Variants in GREB1L observed in about 807,000 individuals in gnomAD.
GREB1L encodes the protein GREB1 like retinoic acid receptor coactivator.
Under a neutral mutation model 200.8 loss-of-function variants are expected in GREB1L, and 17 were observed. The ratio of observed to expected loss-of-function variants is 0.08; its 90% confidence interval spans 0.06 to 0.13. The LOEUF (loss-of-function observed/expected upper bound fraction) is 0.13. GREB1L is among the 10% of genes least tolerant of loss of function. GREB1L has a pLI of 1.00. For synonymous variants in GREB1L, 789 were observed against 893.0 expected, an observed-to-expected ratio of 0.88 and a Z score of 2.08; for missense variants, 1,657 against 2,367.7, an observed-to-expected ratio of 0.70 and a Z score of 6.23.
At chr18:21,272,699 A>G (rs1410040703) in intron 1 of GREB1L, among the ~76,000 whole-genome samples, 1 of 152,212 alleles carries the variant, frequency 6.6e-6, no homozygotes, top group South Asian at 2.1e-4. Flanking sequence ...AGCTGTAATA[A>G]CTGGTTGGCA....
In GREB1L at chr18:21,268,560, C is replaced by CATAT. The variant is rs370094258; in HGVS notation, c.-120+26197_-120+26200dup. 1.0e-2 allele frequency among the ~76,000 whole-genome samples: 633 copies of CATAT among 63,452 alleles called. 17 individuals are homozygous for CATAT. Among genetic ancestry groups the CATAT allele is most frequent in the Non-Finnish European group, 0.013 (470 of 36,938 alleles). 41.6% of individuals were successfully genotyped at this position (63,452 alleles called of 152,430 possible). A position where few individuals can be genotyped will look rare whatever the true frequency, so the allele number is the denominator to read the frequency against. On this transcript the variant is annotated intron_variant, in intron 1 of 32. Transcript: ENST00000424526. The stretch of plus-strand genomic sequence containing the variant: ...ACACACACACACACACACACACACA[C>CATAT]ATATATATATATATATATATATATA...
rs1166538794 is a variant in GREB1L at position 21,524,119 on chromosome 18, A to G, written c.*1298A>G. On this transcript the variant is annotated 3_prime_UTR_variant, in exon 33 of 33. Coordinates refer to ENST00000424526, the MANE Select transcript of GREB1L (RefSeq NM_001142966.3). ...CTCTTGAGAGTTTTCTCATTAGCCC[A>G]TATTTACTACTTTATCCCCACTTAA... 1 of 152,208 alleles carries G rather than the reference A, an allele frequency of 6.6e-6. No individual in the cohort carries two copies. Among genetic ancestry groups the G allele is most frequent in the Non-Finnish European group, 1.5e-5 (1 of 68,034 alleles). The allele number at this position is 152,208 out of a possible 1,614,324, so 9.4% of individuals were successfully genotyped here. A position where few individuals can be genotyped will look rare whatever the true frequency, so the allele number is the denominator to read the frequency against.
At chr18:21,518,761 C>G (rs2037511975) in intron 31 of GREB1L, among the ~76,000 whole-genome samples, 2 of 152,176 alleles carry the variant, frequency 1.3e-5, no homozygotes, top group Admixed American at 1.3e-4. Context: ...CCACTTCCCA[C>G]CCCTTGGACT....
chr18:21,523,342 AAGAAGT>A lies in GREB1L; in HGVS notation c.*524_*529del, dbSNP rs2037634934. 6.6e-6 allele frequency: 1 copy of A among 152,366 alleles called. No individual in the cohort carries two copies. Among genetic ancestry groups the A allele is most frequent in the African/African-American group, 2.4e-5 (1 of 41,568 alleles). The allele number at this position is 152,366 out of a possible 1,614,324, so 9.4% of individuals were successfully genotyped here. A position where few individuals can be genotyped will look rare whatever the true frequency, so the allele number is the denominator to read the frequency against. ...TGTAGACGATATTTGTATTTAAAAA[AAGAAGT>A]AGCTTTGTCTTTCTCTGTGCAGTGT... On this transcript the variant is annotated 3_prime_UTR_variant, in exon 33 of 33. Coordinates refer to ENST00000424526, the MANE Select transcript of GREB1L (RefSeq NM_001142966.3).
intron 1 of GREB1L, among the ~76,000 whole-genome samples, chr18:21,242,740 G>A (rs2037521591): frequency 6.6e-6 from 1 of 152,134 alleles, no homozygotes; most frequent in Non-Finnish European, 1.5e-5. Context: ...GGAGCGAGAC[G>A]GCCCGGGGGT....
intron 1 of GREB1L, among the ~76,000 whole-genome samples, chr18:21,307,562 C>A (rs1275857616): frequency 6.6e-6 from 1 of 152,122 alleles, no homozygotes; most frequent in Non-Finnish European, 1.5e-5. Flanking sequence ...TTGAAAATTT[C>A]TAAACATCAC....
intron 1 of GREB1L, among the ~76,000 whole-genome samples, chr18:21,296,659 G>T (rs1231221234): frequency 4.1e-4 from 58 of 142,040 alleles, no homozygotes; most frequent in African/African-American, 1.3e-3. Flanking sequence ...TTTGTTTTTT[G>T]TTTTTTTTTT....
At chr18:21,485,269 C>T (rs887392326) in intron 17 of GREB1L, 1 of 168,588 alleles carries the variant, frequency 5.9e-6, no homozygotes, top group Non-Finnish European at 1.3e-5. Context: ...TGAGGAAAGC[C>T]TATTTATCTG....
In GREB1L at chr18:21,520,734, A is replaced by G. The variant is rs1040545106; in HGVS notation, c.5519A>G (p.Asn1840Ser). 1.1e-5 allele frequency: 17 copies of G among 1,551,432 alleles called. No individual in the cohort carries two copies. Among genetic ancestry groups the G allele is most frequent in the Middle Eastern group, 3.3e-4 (2 of 6,014 alleles). Residue 1840 changes from asparagine (N) to serine (S), a missense_variant, in exon 32 of 33, where the codon AAC becomes AGC. Around this residue, in one of 9 missense-constraint regions of GREB1L, gnomAD observed 190 missense variants for 230.2 expected, o/e 0.83. Coordinates refer to ENST00000424526, the MANE Select transcript of GREB1L (RefSeq NM_001142966.3). ...TCCAGACCCCACTCCAGCAATGTCA[A>G]CTGTGAAGGGGTGTTTTTCAGTGGA... is the stretch of plus-strand genomic sequence containing the variant. ...ISSRPHSSNV[N>S]CEGVFFSGLL... is the part of the protein sequence containing the mutation.
chr18:21,474,594 A>C (rs2035612513), intron 16 of GREB1L, among the ~76,000 whole-genome samples: 1 of 152,224 alleles, frequency 6.6e-6, no homozygotes. Context: ...CCTCTGAAGC[A>C]ACAGCCCAAG....
At chr18:21,290,208 C>T (rs2038425087) in intron 1 of GREB1L, among the ~76,000 whole-genome samples, 1 of 152,140 alleles carries the variant, frequency 6.6e-6, no homozygotes, top group South Asian at 2.1e-4. Flanking sequence ...ATTTTAATCG[C>T]CCTCTAGATG....
At chr18:21,472,234 A>G (rs1368828858) in intron 15 of GREB1L, among the ~76,000 whole-genome samples, 2 of 152,244 alleles carry the variant, frequency 1.3e-5, no homozygotes, top group African/African-American at 4.8e-5. Flanking sequence ...AAAGACAGAT[A>G]AAATTAAGTC....
chr18:21,252,091 A>G (rs1261562639), intron 1 of GREB1L, among the ~76,000 whole-genome samples: 1 of 152,224 alleles, frequency 6.6e-6, no homozygotes, highest in African/African-American at 2.4e-5. Flanking sequence ...CAAATGGTCA[A>G]TAAGTATGAA....
At chr18:21,269,371 G>A (rs1050045335) in intron 1 of GREB1L, among the ~76,000 whole-genome samples, 2 of 152,070 alleles carry the variant, frequency 1.3e-5, no homozygotes, top group Admixed American at 6.6e-5. Context: ...TCTTCTCAAA[G>A]ATGTTTTATA....
chr18:21,446,061 G>A (rs983007184), intron 11 of GREB1L, among the ~76,000 whole-genome samples: 3 of 152,156 alleles, frequency 2.0e-5, no homozygotes, highest in African/African-American at 7.2e-5. Flanking sequence ...GTCTCACTCT[G>A]TTTCCCAGGC....
intron 1 of GREB1L, among the ~76,000 whole-genome samples, chr18:21,343,753 T>TTTTTTA (rs2039302116): frequency 6.9e-6 from 1 of 144,142 alleles, no homozygotes; most frequent in African/African-American, 2.8e-5. Flanking sequence ...TTTTTTTTTT[T>TTTTTTA]GAGACAGAGT....
chr18:21,469,515 AC>A (rs2035398658), intron 15 of GREB1L, among the ~76,000 whole-genome samples: 1 of 152,128 alleles, frequency 6.6e-6, no homozygotes. Context: ...ACTGGGATTA[AC>A]CTTTTTTCCA....
At chr18:21,352,414 T>A (rs1241900048) in intron 1 of GREB1L, among the ~76,000 whole-genome samples, 2 of 151,620 alleles carry the variant, frequency 1.3e-5, no homozygotes, top group Admixed American at 6.6e-5. Flanking sequence ...CTTAATTAAG[T>A]TTGCAGTGTG....
At chr18:21,422,160 A>C (rs951825785) in intron 7 of GREB1L, among the ~76,000 whole-genome samples, 3 of 152,184 alleles carry the variant, frequency 2.0e-5, no homozygotes, top group Non-Finnish European at 4.4e-5. Context: ...TGAGATGTAG[A>C]TGCTGAGCAA....
Sources: gnomAD v4.1 joint callset for allele counts (sites outside exome capture counted in the v4.1 genomes callset) on GRCh38, gnomAD v4.1.1 for gene constraint, gnomAD v4.1.1 regional missense constraint, MANE v1.5 for transcripts, NCBI Gene and HGNC (gene_info 2026-07-23, HGNC 2026-07-21) for gene names.